The following GRM7 variants were observed in gnomAD, a reference collection of about 807,000 sequenced individuals.
The protein encoded by GRM7 is glutamate metabotropic receptor 7, also known as metabotropic glutamate receptor 7.
GRM7 carries 35 observed loss-of-function variants against 84.5 expected under a neutral mutation model. The ratio of observed to expected loss-of-function variants is 0.41; its 90% confidence interval spans 0.32 to 0.55. GRM7 has a LOEUF of 0.55. Ranked by LOEUF, GRM7 falls within the 20% of genes least tolerant of loss-of-function variation. The pLI is 0.19. For missense variants in GRM7, 1,003 were observed against 1,194.6 expected (o/e 0.84, Z 2.36); for synonymous variants, 487 against 455.1 (o/e 1.07, Z -0.89).
At chr3:7,588,105 A>G (rs1024706227) in intron 8 of GRM7, among the ~76,000 whole-genome samples, 1 of 152,044 alleles carries the variant, frequency 6.6e-6, no homozygotes, top group Non-Finnish European at 1.5e-5. Flanking sequence ...GGTAATCATA[A>G]GAATTGTTGT....
intron 8 of GRM7, among the ~76,000 whole-genome samples, chr3:7,664,413 A>T (rs1035339514): frequency 1.1e-4 from 16 of 152,170 alleles, no homozygotes; most frequent in African/African-American, 3.4e-4. Context: ...TTATGTCGGT[A>T]AAGGGGTCAG....
intron 4 of GRM7, among the ~76,000 whole-genome samples, chr3:7,313,665 GC>G (rs1700484337): frequency 6.6e-6 from 1 of 152,032 alleles, no homozygotes. Flanking sequence ...AGTTCAGATA[GC>G]TTCAAGACAG....
chr3:7,649,962 C>T (rs1331427760), intron 8 of GRM7, among the ~76,000 whole-genome samples: 2 of 151,984 alleles, frequency 1.3e-5, no homozygotes, highest in Non-Finnish European at 2.9e-5. Context: ...AATTACAGTA[C>T]ATCATTATCT....
chr3:7,535,551 A>C (rs912805526), intron 7 of GRM7, among the ~76,000 whole-genome samples: 2 of 152,192 alleles, frequency 1.3e-5, no homozygotes, highest in African/African-American at 4.8e-5. Context: ...CCATAATTCA[A>C]CTGACAGATC....
intron 5 of GRM7, among the ~76,000 whole-genome samples, chr3:7,448,097 G>T (rs978456482): frequency 6.6e-6 from 1 of 151,680 alleles, no homozygotes; most frequent in Non-Finnish European, 1.5e-5. Flanking sequence ...TTTTATGGCC[G>T]CATAGTATTC....
chr3:7,034,350 A>G (rs368622729), intron 1 of GRM7, among the ~76,000 whole-genome samples: 17 of 152,292 alleles, frequency 1.1e-4, no homozygotes, highest in African/African-American at 4.1e-4. Context: ...TAATTAACCA[A>G]CTTTGGGAGG....
At chr3:7,471,857 A>G (rs1394742914) in intron 7 of GRM7, among the ~76,000 whole-genome samples, 2 of 152,158 alleles carry the variant, frequency 1.3e-5, no homozygotes, top group Non-Finnish European at 2.9e-5. Context: ...TAACATCCAT[A>G]TTAAATTCCC....
chr3:6,956,656 T>G (rs1210283854), intron 1 of GRM7: 1 of 455,612 alleles, frequency 2.2e-6, no homozygotes, highest in Admixed American at 2.4e-5. Context: ...CATGTTTACC[T>G]GCTCAGTACT....
intron 8 of GRM7, among the ~76,000 whole-genome samples, chr3:7,630,806 A>G (rs184955694): frequency 6.6e-6 from 1 of 152,338 alleles, no homozygotes; most frequent in East Asian, 1.9e-4. Context: ...TAGGTACAAA[A>G]TGAGCATTAG....
chr3:7,279,673 A>G (rs571605616), intron 2 of GRM7, among the ~76,000 whole-genome samples: 2 of 152,326 alleles, frequency 1.3e-5, no homozygotes, highest in South Asian at 4.1e-4. Context: ...GAGCTACCTG[A>G]GACCTTCATG....
At chr3:7,677,702 T>A (rs892557841) in intron 8 of GRM7, among the ~76,000 whole-genome samples, 2 of 152,174 alleles carry the variant, frequency 1.3e-5, no homozygotes, top group Admixed American at 6.6e-5. Flanking sequence ...AAAATAAACA[T>A]GATAGTTGTA....
intron 7 of GRM7, among the ~76,000 whole-genome samples, chr3:7,496,543 A>G (rs1479070740): frequency 6.6e-6 from 1 of 152,210 alleles, no homozygotes; most frequent in Non-Finnish European, 1.5e-5. Flanking sequence ...ACAGTCCTGG[A>G]TTAGATCTTA....
intron 1 of GRM7, among the ~76,000 whole-genome samples, chr3:6,902,850 T>TACACACACACAC (rs34849112): frequency 0.036 from 4,796 of 134,450 alleles, 167 homozygotes; most frequent in African/African-American, 0.088. Flanking sequence ...AACAGACTCC[T>TACACACACACAC]ACACACACAC....
At chr3:7,058,814 T>C (rs774590282) in intron 1 of GRM7, among the ~76,000 whole-genome samples, 3 of 151,880 alleles carry the variant, frequency 2.0e-5, no homozygotes, top group African/African-American at 4.8e-5. Context: ...CTTGTCCTGA[T>C]TGGCTAGCAA....
intron 7 of GRM7, among the ~76,000 whole-genome samples, chr3:7,537,718 C>T (rs1047906851): frequency 6.6e-6 from 1 of 152,276 alleles, no homozygotes; most frequent in Middle Eastern, 3.4e-3. Flanking sequence ...AGCTTACTCT[C>T]CTTTGGAACT....
At chr3:7,221,804 ATTTTTT>A (rs540956206) in intron 2 of GRM7, among the ~76,000 whole-genome samples, 1 of 97,356 alleles carries the variant, frequency 1.0e-5, no homozygotes. Flanking sequence ...AATTTCTTGT[ATTTTTT>A]TTTTTTTTTT....
intron 9 of GRM7, among the ~76,000 whole-genome samples, chr3:7,703,838 A>C (rs1701305936): frequency 6.6e-6 from 1 of 152,190 alleles, no homozygotes; most frequent in Non-Finnish European, 1.5e-5. Context: ...GCTTGCACCA[A>C]GTTCTGTATC....
intron 9 of GRM7, among the ~76,000 whole-genome samples, chr3:7,710,705 T>G (rs1701550856): frequency 6.6e-6 from 1 of 152,202 alleles, no homozygotes; most frequent in Non-Finnish European, 1.5e-5. Flanking sequence ...GATGCTGGGC[T>G]CTTTCCTTCA....
intron 2 of GRM7, among the ~76,000 whole-genome samples, chr3:7,270,607 T>G (rs903366892): frequency 3.3e-5 from 5 of 152,302 alleles, no homozygotes; most frequent in Non-Finnish European, 7.4e-5. Context: ...CTGTCCCAGT[T>G]ACATATTCTC....
Sources: allele counts gnomAD v4.1 joint callset (sites outside exome capture counted in the v4.1 genomes callset), GRCh38; gene constraint gnomAD v4.1.1; transcripts MANE v1.5; gene names NCBI Gene and HGNC (gene_info 2026-07-23, HGNC 2026-07-21).